Variants in DNMT1 observed in about 807,000 individuals in gnomAD.
DNMT1 encodes DNA methyltransferase 1, also known as DNA (cytosine-5)-methyltransferase 1.
A neutral mutation model predicts 205.3 loss-of-function variants in DNMT1; 24 were observed. The ratio of observed to expected loss-of-function variants is 0.12; its 90% CI spans 0.08 to 0.16. The LOEUF (loss-of-function observed/expected upper bound fraction) is 0.16, where lower values mean the gene tolerates loss of function less well. Ranked by LOEUF, DNMT1 falls within the 10% of genes least tolerant of loss-of-function variation. The probability of loss-of-function intolerance (pLI) is 1.00; values close to 1 mark genes in which losing one functional copy is unlikely to be tolerated. For missense variants in DNMT1, 1,293 were observed against 2,177.7 expected, an observed-to-expected ratio of 0.59 and a Z score of 8.09; for synonymous variants, 817 against 839.8, an observed-to-expected ratio of 0.97 and a Z score of 0.47.
In DNMT1 at chr19:10,151,845, C is replaced by G; in HGVS notation, c.2022G>C (p.Val674=). The G allele has an allele frequency of 6.2e-7, 1 of 1,613,992 alleles. No individual in the cohort carries two copies. The highest frequency in any genetic ancestry group is 1.7e-5 in the Admixed American group (1 of 59,992). The change falls in exon 23 of 41, where the codon GTG becomes GTC. Residue 674 remains valine, a splice_region_variant and synonymous_variant. Transcript: ENST00000359526. This position sits in a 1 kb window ranked among gnomAD's most constrained non-coding sequence, Gnocchi z 5.0. ...FKRRRCGVCE[V]CQQPECGKCK... ...ATTTCCCACACTCAGGCTGCTGACA[C>G]ACCTAAAAAATGGCATTAAAAAGGC...
At chr19:10,169,112 G>C (rs2038754499) in intron 9 of DNMT1, among the ~76,000 whole-genome samples, 1 of 152,080 alleles carries the variant, frequency 6.6e-6, no homozygotes, top group African/African-American at 2.4e-5. Flanking sequence ...TTACAGGCGT[G>C]AGCCACCATG....
At chr19:10,168,820 T>A (rs892139775) in intron 9 of DNMT1, among the ~76,000 whole-genome samples, 25 of 152,086 alleles carry the variant, frequency 1.6e-4, no homozygotes, top group Non-Finnish European at 3.5e-4. Context: ...CAACAACACA[T>A]CCTCTGAGAC....
At chr19:10,143,043 T>C (rs2089634160) in intron 29 of DNMT1, 1 of 153,452 alleles carries the variant, frequency 6.5e-6, no homozygotes, top group South Asian at 2.0e-4. Flanking sequence ...TAATGCCTAA[T>C]CACCGCAAGT....
intron 1 of DNMT1, among the ~76,000 whole-genome samples, chr19:10,191,194 T>G (rs538125743): frequency 2.0e-5 from 3 of 151,700 alleles, no homozygotes; most frequent in Non-Finnish European, 4.4e-5. Context: ...GACAGGAGAA[T>G]TGCTTAAACC....
rs1160674279 is a variant in DNMT1 at position 10,146,632 on chromosome 19, C to T, written c.2721-108G>A. The T allele has an allele frequency of 7.1e-7, 1 of 1,417,886 alleles. No homozygotes were observed. Among genetic ancestry groups the T allele is most frequent in the African/African-American group, 1.4e-5 (1 of 70,084 alleles). The allele number at this position is 1,417,886 out of a possible 1,614,324, so 87.8% of individuals were successfully genotyped here. A position where few individuals can be genotyped will look rare whatever the true frequency, so the allele number is the denominator to read the frequency against. ...GACTCTGGTAACCAAGAGGAAAAAA[C>T]ATTTGCAGATGCTAGAAGGAAGAGG... On this transcript the variant is annotated intron_variant, in intron 27 of 40. Coordinates refer to ENST00000359526, the MANE Select transcript of DNMT1 (RefSeq NM_001130823.3). This position sits in a 1 kb window ranked among gnomAD's most constrained non-coding sequence, Gnocchi z 4.4.
intron 6 of DNMT1, among the ~76,000 whole-genome samples, chr19:10,175,930 G>A (rs2038930996): frequency 1.3e-5 from 2 of 152,290 alleles, no homozygotes; most frequent in South Asian, 4.1e-4. Flanking sequence ...CACTTTGGGA[G>A]TCCAAGGCAT....
In DNMT1 at chr19:10,151,404, G is replaced by A. The variant is rs765090249; in HGVS notation, c.2259C>T (p.Ala753=). ...NKNRISWVGE[A]VKTDGKKSYY... is the part of the protein sequence containing the mutation. ...AAGGGGCTCCAAGGGTTACCTTGAC[G>A]GCTTCTCCGACCCAAGAGATGCGAT... is the stretch of plus-strand genomic sequence containing the variant. Residue 753 remains alanine (A), a synonymous_variant, in exon 24 of 41, where the codon GCC becomes GCT. Coordinates refer to ENST00000359526, the MANE Select transcript of DNMT1 (RefSeq NM_001130823.3). This position sits in a 1 kb window ranked among gnomAD's most constrained non-coding sequence, Gnocchi z 5.0. 6.2e-6 allele frequency: 10 copies of A among 1,613,448 alleles called. No homozygotes were observed. In the Admixed American group the frequency reaches 1.0e-4, roughly 16 times the overall value.
In DNMT1 at chr19:10,136,467, G is replaced by A. The variant is rs114334665; in HGVS notation, c.4490-180C>T. 1.5e-3 allele frequency among the ~76,000 whole-genome samples: 232 copies of A among 152,192 alleles called. 2 individuals are homozygous for A. The highest frequency in any genetic ancestry group is 4.7e-3 in the African/African-American group (196 of 41,522). On this transcript the variant is annotated intron_variant, in intron 37 of 40. Transcript: ENST00000359526. ...TTTTATTATTAGTATTATATGTCTC[G>A]CTCTGTTGCCCAGGCTGGAGTGCAA...
At chr19:10,135,051 A>G (rs947461002) in intron 39 of DNMT1, among the ~76,000 whole-genome samples, 2 of 151,688 alleles carry the variant, frequency 1.3e-5, no homozygotes, top group Non-Finnish European at 2.9e-5. Flanking sequence ...ATCTCTACTA[A>G]AAATACAAAA....
rs1226581502 is a variant in DNMT1 at position 10,174,743 on chromosome 19, AAC to A, written c.648+795_648+796del. ...AAACAACAACAACAACAACAAAAAA[AAC>A]AAATTGGCTGGGCACGGTGGCTCAC... On this transcript the variant is annotated intron_variant, in intron 7 of 40. Transcript: ENST00000359526. Among the ~76,000 whole-genome samples, 45 of 151,608 alleles carry A rather than the reference AAC, an allele frequency of 3.0e-4. 1 individual carries two copies. In the South Asian group the frequency reaches 8.5e-3, roughly 29 times the overall value.
chr19:10,169,657 T>C (rs906772060), intron 9 of DNMT1, among the ~76,000 whole-genome samples: 16 of 151,942 alleles, frequency 1.1e-4, no homozygotes, highest in African/African-American at 3.9e-4. Flanking sequence ...TCCCAGTTAC[T>C]CGGGAGGCTG....
chr19:10,169,386 C>CAAAAAAAAAAA (rs61170762), intron 9 of DNMT1, among the ~76,000 whole-genome samples: 33 of 80,664 alleles, frequency 4.1e-4, no homozygotes, highest in Middle Eastern at 8.5e-3. Context: ...ACTAAAAATA[C>CAAAAAAAAAAA]AAAAAAAAAA....
chr19:10,144,045 G>T, intron 28 of DNMT1, 58 bp from the exon 29 acceptor site: 16 of 1,503,246 alleles, frequency 1.1e-5, no homozygotes, highest in Non-Finnish European at 1.3e-5. Flanking sequence ...TGGTCAGTCA[G>T]GCATGACTGA....
chr19:10,145,693 C>A (rs2038183201), intron 28 of DNMT1, among the ~76,000 whole-genome samples: 1 of 152,236 alleles, frequency 6.6e-6, no homozygotes, highest in Admixed American at 6.5e-5. Context: ...ACTCACTCAA[C>A]CCTTCGAGCC....
At chr19:10,134,345 C>A in intron 39 of DNMT1, 38 bp from the exon 40 acceptor site, 10 of 1,598,268 alleles carry the variant, frequency 6.3e-6, no homozygotes, top group Non-Finnish European at 8.6e-6. Context: ...GATGTGGACA[C>A]CCAGGCCCAA....
chr19:10,136,070 C>T (rs574078689), intron 38 of DNMT1, 51 bp downstream of exon 38: 54 of 1,611,934 alleles, frequency 3.4e-5, no homozygotes, highest in East Asian at 8.9e-5. Context: ...CTAGTTAGGC[C>T]GCCAAGTACA....
chr19:10,160,662 A>C (rs1347046857), intron 13 of DNMT1, among the ~76,000 whole-genome samples: 2 of 152,224 alleles, frequency 1.3e-5, no homozygotes, highest in African/African-American at 2.4e-5. Context: ...TGGGAGGCCA[A>C]GGCACACAGA....
At chr19:10,141,023 G>A (rs1412124700) in intron 31 of DNMT1, 82 bp downstream of exon 31, 2 of 1,612,506 alleles carry the variant, frequency 1.2e-6, no homozygotes, top group Admixed American at 1.7e-5. Context: ...TAACACCAGA[G>A]GTGGTTTTAC....
chr19:10,155,085 G>A, intron 19 of DNMT1, 29 bp from the exon 20 acceptor site: 1 of 1,613,596 alleles, frequency 6.2e-7, no homozygotes. Context: ...GTGTGGAAAA[G>A]GGGCTGGAAT....
Sources: allele counts gnomAD v4.1 joint callset (sites outside exome capture counted in the v4.1 genomes callset), GRCh38; gene constraint gnomAD v4.1.1; non-coding constraint Gnocchi (gnomAD v3.1); transcripts MANE v1.5; gene names NCBI Gene and HGNC (gene_info 2026-07-23, HGNC 2026-07-21).